Variants in XDH observed in about 807,000 individuals in gnomAD.
XDH encodes the protein xanthine dehydrogenase, also known as xanthine dehydrogenase/oxidase.
A neutral mutation model predicts 156.1 loss-of-function variants in XDH; 138 were observed. The ratio of observed to expected loss-of-function variants is 0.88; its 90% CI spans 0.77 to 1.02. The LOEUF is 1.02. XDH is among the 50% of genes least tolerant of loss of function. The pLI is 0.00. For synonymous variants in XDH, 669 were observed against 625.7 expected, an observed-to-expected ratio of 1.07 and a Z score of -1.03; for missense variants, 1,849 against 1,684.9, an observed-to-expected ratio of 1.10 and a Z score of -1.71.
intron 6 of XDH, among the ~76,000 whole-genome samples, chr2:31,390,856 T>C (rs1248806954): frequency 6.6e-6 from 1 of 152,242 alleles, no homozygotes; most frequent in African/African-American, 2.4e-5. Flanking sequence ...TAGTTGTTCA[T>C]TGTCTTATTG....
In XDH at chr2:31,335,756, T is replaced by C. The variant is rs1684955520; in HGVS notation, c.*202A>G. On this transcript the variant is annotated 3_prime_UTR_variant, in exon 36 of 36. Transcript: ENST00000379416. The stretch of plus-strand genomic sequence containing the variant: ...TATTCACCATTTAGGCATAACAGTT[T>C]TGAATTTGCTTATCATTGTGTTTAC... The C allele has an allele frequency of 1.5e-6, 1 of 648,430 alleles. No individual in the cohort carries two copies. The highest frequency in any genetic ancestry group is 1.8e-5 in the African/African-American group (1 of 55,420). 40.2% of individuals were successfully genotyped at this position (648,430 alleles called of 1,614,324 possible). A position where few individuals can be genotyped will look rare whatever the true frequency, so the allele number is the denominator to read the frequency against.
intron 24 of XDH, among the ~76,000 whole-genome samples, chr2:31,355,866 T>C (rs1397694587): frequency 6.6e-6 from 1 of 152,162 alleles, no homozygotes; most frequent in African/African-American, 2.4e-5. Flanking sequence ...TTACATACTG[T>C]CTTCAAGAAA....
rs1484139333 is a variant in XDH at position 31,378,155 on chromosome 2, GAAGGAAGGAAGGAAGGAAGGAAGCAAGC to G, written c.1243-946_1243-919del. ...GGAAGGAAGGAAGGAAGGAAGGAAG[GAAGGAAGGAAGGAAGGAAGGAAGCAAGC>G]AAGCAAGCAAAGCAAGAAAGCAAGC... On this transcript the variant is annotated intron_variant, in intron 13 of 35. Coordinates refer to ENST00000379416, the MANE Select transcript of XDH (RefSeq NM_000379.4). 4.3e-4 allele frequency among the ~76,000 whole-genome samples: 53 copies of G among 124,090 alleles called. 2 individuals carry two copies. Among genetic ancestry groups the G allele is most frequent in the African/African-American group, 1.0e-3 (35 of 33,420 alleles). 81.4% of individuals were successfully genotyped at this position (124,090 alleles called of 152,430 possible).
chr2:31,397,857 G>C, intron 5 of XDH, 128 bp from the exon 6 acceptor site: 1 of 1,066,482 alleles, frequency 9.4e-7, no homozygotes, highest in Non-Finnish European at 1.4e-6. Context: ...CCTCTGTCTG[G>C]AAGGCCTCTT....
chr2:31,378,055 G>GAAGAAAGAAAGAAAGAAAGAAAGAAAGA (rs149074112), intron 13 of XDH, among the ~76,000 whole-genome samples: 1 of 65,532 alleles, frequency 1.5e-5, no homozygotes, highest in Non-Finnish European at 2.9e-5. Context: ...AGAAAGAAAG[G>GAAGAAAGAAAGAAAGAAAGAAAGAAAGA]AAGAAAGAAA....
intron 6 of XDH, among the ~76,000 whole-genome samples, chr2:31,396,925 A>G (rs1686924268): frequency 6.6e-6 from 1 of 152,188 alleles, no homozygotes; most frequent in Non-Finnish European, 1.5e-5. Context: ...CTCCAACCCT[A>G]AAGGTGAGTG....
chr2:31,413,963 T>C (rs1687410055), intron 1 of XDH, among the ~76,000 whole-genome samples: 1 of 152,144 alleles, frequency 6.6e-6, no homozygotes. Flanking sequence ...AGTCCCTGTG[T>C]ACCAATAAGG....
rs150262349 is a variant in XDH at position 31,375,487 on chromosome 2, C to A, written c.1495G>T (p.Asp499Tyr). The change falls in exon 15 of 36, where the codon GAT (aspartate) becomes TAT (tyrosine). Residue 499 changes from aspartate (D) to tyrosine (Y), a missense_variant. By Grantham distance (160) the Asp-to-Tyr change is radical (BLOSUM62 -3). Coordinates refer to ENST00000379416, the MANE Select transcript of XDH (RefSeq NM_000379.4). ...GLAEELHLPPDAPGGMVDFRC... is the reference protein window; with the variant it reads ...GLAEELHLPPYAPGGMVDFRC... ...AAGTCCACCATGCCACCAGGGGCAT[C>A]GGGAGGCAGATGCAGCTCCTCTGCC... 2.6e-5 allele frequency: 42 copies of A among 1,614,044 alleles called. No homozygotes were observed. The highest frequency in any genetic ancestry group is 6.7e-5 in the Admixed American group (4 of 60,012).
At chr2:31,386,706 G>A (rs1411177137) in intron 8 of XDH, 151 bp from the exon 9 acceptor site, 3 of 1,057,658 alleles carry the variant, frequency 2.8e-6, no homozygotes, top group Admixed American at 4.0e-5. Context: ...TATGTTCAGA[G>A]GCAGGAACTC....
chr2:31,389,672 T>A (rs2147996225), intron 6 of XDH: 1 of 152,280 alleles, frequency 6.6e-6, no homozygotes, highest in Middle Eastern at 3.4e-3. Flanking sequence ...TACTTAGATC[T>A]ATTTTCTTGA....
At chr2:31,389,212 C>T (rs1341911841) in intron 6 of XDH, among the ~76,000 whole-genome samples, 5 of 152,234 alleles carry the variant, frequency 3.3e-5, no homozygotes, top group African/African-American at 9.6e-5. Context: ...GCCATGCTGG[C>T]ATTTTCCAGA....
In XDH at chr2:31,372,505, G is replaced by C. The variant is rs1295537038; in HGVS notation, c.1687-108C>G. On this transcript the variant is annotated intron_variant, in intron 16 of 35. Coordinates refer to ENST00000379416, the MANE Select transcript of XDH (RefSeq NM_000379.4). ...TGCTACATGGCAAAGGACACCAAGG[G>C]GTAAGAATAAAGAATTCAGAGGGGC... The C allele has an allele frequency of 4.0e-6, 6 of 1,487,572 alleles. No individual in the cohort carries two copies. The East Asian group carries it at 1.4e-4, about 34-fold the overall frequency. The allele number at this position is 1,487,572 out of a possible 1,614,324, so 92.1% of individuals were successfully genotyped here.
intron 4 of XDH, among the ~76,000 whole-genome samples, chr2:31,400,461 G>A (rs905029197): frequency 4.6e-5 from 7 of 152,000 alleles, no homozygotes; most frequent in African/African-American, 1.2e-4. Context: ...GGATAGTCTC[G>A]ATCTCCCAAA....
At chr2:31,394,895 G>A (rs1348259138) in intron 6 of XDH, among the ~76,000 whole-genome samples, 1 of 152,042 alleles carries the variant, frequency 6.6e-6, no homozygotes, top group African/African-American at 2.4e-5. Context: ...TTAATTCTTA[G>A]AATTTCCGTT....
rs200420362 is a variant in XDH, at chr2:31,398,710, C to T, written c.307-11G>A. 249 of 1,613,256 alleles carry T rather than the reference C, an allele frequency of 1.5e-4. No individual in the cohort carries two copies. In the African/African-American group the frequency reaches 2.9e-3, roughly 19 times the overall value. On this transcript the variant is annotated splice_polypyrimidine_tract_variant and intron_variant, in intron 4 of 35. Coordinates refer to ENST00000379416, the MANE Select transcript of XDH (RefSeq NM_000379.4). ...TTTGGCAATTCTCTCCTAAAAGATA[C>T]AGATGACATAGACACCTGGGATGGC...
intron 1 of XDH, among the ~76,000 whole-genome samples, chr2:31,406,859 G>A (rs1420899671): frequency 2.0e-5 from 3 of 152,172 alleles, no homozygotes; most frequent in South Asian, 2.1e-4. Context: ...CATGTGATGC[G>A]TATTAGTCAA....
chr2:31,402,219 T>A lies in XDH; in HGVS notation c.197+829A>T, dbSNP rs115109048. On this transcript the variant is annotated intron_variant, in intron 3 of 35. Coordinates refer to ENST00000379416, the MANE Select transcript of XDH (RefSeq NM_000379.4). ...GTAGTCAACAAACTTATAACTATAG[T>A]ACTAGGGACTTTCCAGTGGGATAGA... 2.5e-3 allele frequency among the ~76,000 whole-genome samples: 379 copies of A among 152,334 alleles called. 2 individuals are homozygous for A. The highest frequency in any genetic ancestry group is 8.8e-3 in the African/African-American group (367 of 41,584).
chr2:31,413,668 T>C (rs558150248), intron 1 of XDH, among the ~76,000 whole-genome samples: 2 of 152,182 alleles, frequency 1.3e-5, no homozygotes, highest in Non-Finnish European at 2.9e-5. Flanking sequence ...AATGCCAATA[T>C]AGAAAGACAA....
chr2:31,349,751 G>C lies in XDH; in HGVS notation c.2904C>G (p.Cys968Trp). 14 of 1,614,146 alleles carry C rather than the reference G, an allele frequency of 8.7e-6. No homozygotes were observed. Among genetic ancestry groups the C allele is most frequent in the Non-Finnish European group, 1.2e-5 (14 of 1,180,038 alleles). ...QKLEGFTLPR[C>W]WEECLASSQY... is the part of the protein sequence containing the mutation. ...GAGAGCTTGCTAGGCATTCTTCCCA[G>C]CATCTGGGCAAGGTGAAACCCTCAA... The change falls in exon 26 of 36, where the codon TGC becomes TGG. Residue 968 changes from cysteine (C) to tryptophan (W), a missense_variant. By Grantham distance (215) the Cys-to-Trp change is radical. Coordinates refer to ENST00000379416, the MANE Select transcript of XDH (RefSeq NM_000379.4).
Sources: allele counts gnomAD v4.1 joint callset (sites outside exome capture counted in the v4.1 genomes callset), GRCh38; gene constraint gnomAD v4.1.1; transcripts MANE v1.5; gene names NCBI Gene and HGNC (gene_info 2026-07-23, HGNC 2026-07-21).